The following UIMC1 variants were observed in gnomAD, a reference collection of about 807,000 sequenced individuals.
UIMC1 encodes the protein ubiquitin interaction motif containing 1.
Under a neutral mutation model 84.9 loss-of-function variants are expected in UIMC1, and 42 were observed. The ratio of observed to expected loss-of-function variants is 0.49; its 90% CI spans 0.39 to 0.64. UIMC1 has a LOEUF of 0.64. UIMC1 is among the 30% of genes least tolerant of loss of function. The pLI is 0.00. For missense variants in UIMC1, 825 were observed against 847.6 expected (o/e 0.97, Z 0.33); for synonymous variants, 281 against 293.0 (o/e 0.96, Z 0.42).
intron 10 of UIMC1, among the ~76,000 whole-genome samples, chr5:176,938,189 CAAAA>C (rs1170386962): frequency 7.1e-5 from 4 of 56,332 alleles, no homozygotes; most frequent in Admixed American, 4.3e-4. Context: ...GACCCTGTCT[CAAAA>C]AAAAAAAAAA....
intron 1 of UIMC1, among the ~76,000 whole-genome samples, chr5:177,011,800 T>A (rs1266138130): frequency 1.3e-5 from 2 of 151,708 alleles, no homozygotes; most frequent in Non-Finnish European, 2.9e-5. Context: ...TTGTGAAGAT[T>A]TAATTTTTTT....
intron 9 of UIMC1, among the ~76,000 whole-genome samples, chr5:176,946,617 T>C (rs1029604135): frequency 6.6e-6 from 1 of 152,110 alleles, no homozygotes; most frequent in South Asian, 2.1e-4. Flanking sequence ...AATGGATCAC[T>C]TGAGGTCAAG....
chr5:176,967,557 C>T (rs750360414), intron 6 of UIMC1, among the ~76,000 whole-genome samples: 32 of 151,944 alleles, frequency 2.1e-4, no homozygotes, highest in Non-Finnish European at 3.7e-4. Flanking sequence ...TTTTGAATTT[C>T]GAGCCATGTG....
At chr5:176,926,394 G>A (rs910505904) in intron 10 of UIMC1, among the ~76,000 whole-genome samples, 1 of 152,084 alleles carries the variant, frequency 6.6e-6, no homozygotes, top group East Asian at 1.9e-4. Context: ...AGCACTTGGG[G>A]AGGCCAAGAG....
intron 1 of UIMC1, among the ~76,000 whole-genome samples, chr5:177,012,140 G>A (rs185040039): frequency 9.2e-5 from 14 of 152,182 alleles, no homozygotes; most frequent in Admixed American, 5.9e-4. Context: ...ATCCAAATCT[G>A]TTTTTCCTGT....
intron 3 of UIMC1, among the ~76,000 whole-genome samples, chr5:176,973,565 G>A (rs1159653796): frequency 6.8e-6 from 1 of 147,584 alleles, no homozygotes; most frequent in Admixed American, 6.8e-5. Context: ...AGGTGACAAA[G>A]TGAGACCCTG....
intron 1 of UIMC1, among the ~76,000 whole-genome samples, chr5:177,015,800 T>A (rs1775656698): frequency 6.6e-6 from 1 of 152,174 alleles, no homozygotes; most frequent in East Asian, 1.9e-4. Context: ...CCAGGCATGG[T>A]GGCTCACACT....
At chr5:176,907,013 G>C in intron 13 of UIMC1, 101 bp downstream of exon 13, 15 of 1,234,352 alleles carry the variant, frequency 1.2e-5, no homozygotes, top group Non-Finnish European at 1.7e-5. Context: ...GATCACGTGT[G>C]TACCCAGATA....
intron 10 of UIMC1, among the ~76,000 whole-genome samples, chr5:176,929,126 G>A (rs572187953): frequency 4.6e-5 from 7 of 151,714 alleles, no homozygotes; most frequent in South Asian, 2.1e-4. Context: ...GTGGTGGCGC[G>A]CACTTGTAGT....
chr5:177,006,112 G>C (rs995968678), intron 1 of UIMC1, among the ~76,000 whole-genome samples: 4 of 152,174 alleles, frequency 2.6e-5, no homozygotes, highest in African/African-American at 9.6e-5. Flanking sequence ...GCGTGAGGCG[G>C]CGCGGACCAC....
In UIMC1 at chr5:176,981,434, G is replaced by A. The variant is rs761353073; in HGVS notation, c.147+1035C>T. Among the ~76,000 whole-genome samples the A allele has an allele frequency of 4.6e-5, 7 of 151,994 alleles. No homozygotes were observed. The East Asian group carries it at 7.7e-4, about 17-fold the overall frequency. Reference sequence around the variant, plus strand: ...GCTAGGATTACAGGTGTGAGCTGCCGTGCCCGGCCAAGAAACGTTTCTGAA... The same window carrying A: ...GCTAGGATTACAGGTGTGAGCTGCCATGCCCGGCCAAGAAACGTTTCTGAA... On this transcript the variant is annotated intron_variant, in intron 2 of 14. Transcript: ENST00000511320.
intron 10 of UIMC1, among the ~76,000 whole-genome samples, chr5:176,919,595 C>A (rs1007428835): frequency 1.3e-5 from 2 of 151,960 alleles, no homozygotes; most frequent in Non-Finnish European, 2.9e-5. Context: ...ATGGGACTTA[C>A]CAGTGTGTAC....
At chr5:177,013,834 C>A (rs1463945312) in intron 1 of UIMC1, among the ~76,000 whole-genome samples, 1 of 152,154 alleles carries the variant, frequency 6.6e-6, no homozygotes, top group Non-Finnish European at 1.5e-5. Flanking sequence ...ATTCCTCCAG[C>A]ATCTAATTGT....
In UIMC1 at chr5:176,942,571, T is replaced by C. The variant is rs1287330907; in HGVS notation, c.1597+764A>G. Among the ~76,000 whole-genome samples, 3 of 147,570 alleles carry C rather than the reference T, an allele frequency of 2.0e-5. No homozygotes were observed. The South Asian group carries it at 6.5e-4, about 32-fold the overall frequency. On this transcript the variant is annotated intron_variant, in intron 10 of 14. Transcript: ENST00000511320. ...TCATGGCTAATATGGTGAAACCCCA[T>C]CTCTACTAAAAAAAAAATACAAAAA...
At chr5:176,977,521 G>A (rs765954778) in intron 2 of UIMC1, among the ~76,000 whole-genome samples, 1 of 145,234 alleles carries the variant, frequency 6.9e-6, no homozygotes, top group Non-Finnish European at 1.5e-5. Flanking sequence ...ATTGCAGTAA[G>A]CCGAGATCAC....
chr5:176,953,489 G>GAC (rs1347190087), intron 8 of UIMC1, among the ~76,000 whole-genome samples: 70 of 82,642 alleles, frequency 8.5e-4, no homozygotes, highest in African/African-American at 7.6e-3. Flanking sequence ...TTGAAAACTG[G>GAC]ACACATACAC....
At chr5:176,977,569 C>A (rs1770293972) in intron 2 of UIMC1, among the ~76,000 whole-genome samples, 2 of 114,536 alleles carry the variant, frequency 1.7e-5, no homozygotes, top group Non-Finnish European at 1.7e-5. Context: ...GATGACAGAG[C>A]AAGACTCCAT....
At chr5:176,928,942 C>T (rs1484615606) in intron 10 of UIMC1, among the ~76,000 whole-genome samples, 1 of 150,852 alleles carries the variant, frequency 6.6e-6, no homozygotes, top group African/African-American at 2.4e-5. Context: ...CAGAGTGAAA[C>T]TACGTCTTTT....
In UIMC1 at chr5:176,944,503, C is replaced by T. The variant is rs1273203433; in HGVS notation, c.1444-1015G>A. 2.0e-5 allele frequency among the ~76,000 whole-genome samples: 3 copies of T among 152,210 alleles called. No individual in the cohort carries two copies. The East Asian group carries it at 5.8e-4, about 29-fold the overall frequency. The stretch of plus-strand genomic sequence containing the variant: ...TGCTTCAAAGGACAGCATGTCCTAT[C>T]CAATCAATGTGAAAACATCCTGCAT... On this transcript the variant is annotated intron_variant, in intron 9 of 14. Transcript: ENST00000511320.
Sources: allele counts gnomAD v4.1 joint callset (sites outside exome capture counted in the v4.1 genomes callset), GRCh38; gene constraint gnomAD v4.1.1; transcripts MANE v1.5; gene names NCBI Gene and HGNC (gene_info 2026-07-23, HGNC 2026-07-21).